The following NLGN4Y variants were observed in gnomAD, a reference collection of about 807,000 sequenced individuals.
NLGN4Y encodes the protein neuroligin 4 Y-linked.
Under a neutral mutation model 8.4 loss-of-function variants are expected in NLGN4Y, and 4 were observed. The ratio of observed to expected loss-of-function variants is 0.48; its 90% CI spans 0.23 to 1.09. The LOEUF (loss-of-function observed/expected upper bound fraction) is 1.09. Among genes scored for constraint, NLGN4Y ranks in the 50% least tolerant of loss-of-function variants. The probability of loss-of-function intolerance (pLI) is 0.19; values close to 1 mark genes in which losing one functional copy is unlikely to be tolerated. For synonymous variants in NLGN4Y, 35 were observed against 75.6 expected (o/e 0.46, Z 2.78); for missense variants, 90 against 192.3 (o/e 0.47, Z 3.15).
chrY:14,782,420 G>T, intron 4 of NLGN4Y, among the ~76,000 whole-genome samples: 1 of 33,155 alleles, frequency 3.0e-5, no homozygotes, highest in Non-Finnish European at 7.4e-5. Flanking sequence ...GACATTTGGA[G>T]TGCTGATTCT....
At chrY:14,687,552 T>G in intron 2 of NLGN4Y, among the ~76,000 whole-genome samples, 1 of 32,719 alleles carries the variant, frequency 3.1e-5, no homozygotes, top group Non-Finnish European at 7.5e-5. Flanking sequence ...GCAGGGGAAC[T>G]TTCCTCTATA....
intron 1 of NLGN4Y, among the ~76,000 whole-genome samples, chrY:14,618,298 T>C (rs2080497974): frequency 6.3e-5 from 2 of 31,881 alleles, no homozygotes; most frequent in Admixed American, 2.9e-4. Context: ...CAGTCCCTCA[T>C]GGTTTCCATT....
At chrY:14,667,183 C>T in intron 2 of NLGN4Y, among the ~76,000 whole-genome samples, 1 of 31,076 alleles carries the variant, frequency 3.2e-5, no homozygotes, top group Non-Finnish European at 7.7e-5. Context: ...AAGATACCTT[C>T]AAGAAAAGGA....
At chrY:14,532,743 A>G (rs2150460934) in intron 1 of NLGN4Y, among the ~76,000 whole-genome samples, 1 of 32,665 alleles carries the variant, frequency 3.1e-5, no homozygotes, top group Admixed American at 2.8e-4. Flanking sequence ...TGTATACATT[A>G]CATTTTTTTT....
At chrY:14,715,615 A>C (rs756511103) in intron 2 of NLGN4Y, among the ~76,000 whole-genome samples, 7 of 32,100 alleles carry the variant, frequency 2.2e-4, no homozygotes, top group Non-Finnish European at 4.5e-4. Context: ...GGGGAAAGTC[A>C]CACACCCGGG....
intron 1 of NLGN4Y, among the ~76,000 whole-genome samples, chrY:14,599,116 A>C: frequency 3.5e-5 from 1 of 28,345 alleles, no homozygotes; most frequent in Admixed American, 3.6e-4. Context: ...ACACACACAG[A>C]TATATATCCT....
chrY:14,745,970 A>G, intron 4 of NLGN4Y, among the ~76,000 whole-genome samples: 1 of 32,560 alleles, frequency 3.1e-5, no homozygotes, highest in Non-Finnish European at 7.5e-5. Context: ...CTCCTCCATT[A>G]CACATTTTTT....
intron 4 of NLGN4Y, among the ~76,000 whole-genome samples, chrY:14,748,112 G>A (rs997179243): frequency 6.0e-5 from 2 of 33,428 alleles, no homozygotes; most frequent in African/African-American, 2.3e-4. Flanking sequence ...TTTTTGCTTC[G>A]AAACTTCAGC....
chrY:14,598,086 A>G, intron 1 of NLGN4Y, among the ~76,000 whole-genome samples: 1 of 34,892 alleles, frequency 2.9e-5, no homozygotes, highest in Non-Finnish European at 7.2e-5. Context: ...TGATCTAGAT[A>G]TACAGATTCT....
At chrY:14,638,158 A>C (rs1047739201) in intron 2 of NLGN4Y, among the ~76,000 whole-genome samples, 8 of 32,374 alleles carry the variant, frequency 2.5e-4, no homozygotes, top group Non-Finnish European at 4.5e-4. Context: ...ATTTCTTCTG[A>C]TGCTATCCCT....
At chrY:14,726,379 T>C (rs2080955568) in intron 4 of NLGN4Y, among the ~76,000 whole-genome samples, 2 of 33,760 alleles carry the variant, frequency 5.9e-5, no homozygotes, top group Non-Finnish European at 1.5e-4. Flanking sequence ...AGCTTAAGTA[T>C]GAAGGGTGTT....
At chrY:14,745,418 TAA>T (rs2081021271) in intron 4 of NLGN4Y, among the ~76,000 whole-genome samples, 14 of 33,545 alleles carry the variant, frequency 4.2e-4, no homozygotes, top group Admixed American at 3.8e-3. Context: ...CACTGCATTC[TAA>T]GGTGCTTGAC....
At chrY:14,580,872 G>C in intron 1 of NLGN4Y, among the ~76,000 whole-genome samples, 4 of 8,084 alleles carry the variant, frequency 4.9e-4, no homozygotes, top group Non-Finnish European at 8.6e-4. Flanking sequence ...AACCCCATCT[G>C]TATGGAAAAA....
chrY:14,589,020 A>G, intron 1 of NLGN4Y, among the ~76,000 whole-genome samples: 2 of 32,922 alleles, frequency 6.1e-5, no homozygotes, highest in Admixed American at 5.4e-4. Context: ...GGACCCAAAG[A>G]GTGAGCAGTA....
chrY:14,594,377 G>A (rs2080386639), intron 1 of NLGN4Y, among the ~76,000 whole-genome samples: 2 of 33,052 alleles, frequency 6.1e-5, no homozygotes, highest in South Asian at 6.9e-4. Context: ...TTAAAATGTC[G>A]TAGTAAACCG....
intron 1 of NLGN4Y, among the ~76,000 whole-genome samples, chrY:14,594,571 G>GGTTAA: frequency 3.1e-5 from 1 of 32,561 alleles, no homozygotes; most frequent in South Asian, 7.1e-4. Context: ...GTTTAATAAT[G>GGTTAA]TCTCTAGATT....
intron 1 of NLGN4Y, among the ~76,000 whole-genome samples, chrY:14,579,316 A>T (rs2080308455): frequency 2.9e-5 from 1 of 34,063 alleles, no homozygotes; most frequent in South Asian, 6.4e-4. Flanking sequence ...TTGTCTCCAG[A>T]TAAAACAGGA....
intron 1 of NLGN4Y, among the ~76,000 whole-genome samples, chrY:14,539,998 G>A: frequency 1.2e-4 from 3 of 26,050 alleles, no homozygotes; most frequent in Admixed American, 1.0e-3. Context: ...GGTGTGGCTC[G>A]GTGGGTCCCA....
intron 1 of NLGN4Y, among the ~76,000 whole-genome samples, chrY:14,529,992 CATAT>C (rs368762978): frequency 1.2e-3 from 25 of 20,755 alleles, no homozygotes; most frequent in African/African-American, 3.5e-3. Context: ...CATATATGTA[CATAT>C]ATATATATAT....
Sources: allele counts gnomAD v4.1 joint callset (sites outside exome capture counted in the v4.1 genomes callset), GRCh38; gene constraint gnomAD v4.1.1; transcripts MANE v1.5; gene names NCBI Gene and HGNC (gene_info 2026-07-23, HGNC 2026-07-21).